The following LRRC37A variants were observed in gnomAD, a reference collection of about 807,000 sequenced individuals.
LRRC37A encodes the protein leucine-rich repeat-containing protein 37A.
Under a neutral mutation model 35.4 loss-of-function variants are expected in LRRC37A, and 3 were observed. That is an observed-to-expected ratio of 0.08 (90% CI 0.04 to 0.22). The LOEUF is 0.22. Among genes scored for constraint, LRRC37A ranks in the 10% least tolerant of loss-of-function variants. The pLI is 1.00. For synonymous variants in LRRC37A, 23 were observed against 215.0 expected (o/e 0.11, Z 7.81); for missense variants, 67 against 565.3 (o/e 0.12, Z 8.94).
the LRRC37A span, chr17:46,275,405 T>C: frequency 1.0e-6 from 1 of 997,356 alleles, no homozygotes; most frequent in Middle Eastern, 2.7e-4. Context: ...GACTGCAGTT[T>C]GTTGTTGTGA....
chr17:46,255,345 T>A, the LRRC37A span, among the ~76,000 whole-genome samples: 1 of 151,678 alleles, frequency 6.6e-6, no homozygotes, highest in African/African-American at 2.4e-5. Context: ...GGCTAAGTGT[T>A]TGCATCCTCC....
chr17:46,270,119 A>G, the LRRC37A span, among the ~76,000 whole-genome samples: 1 of 152,250 alleles, frequency 6.6e-6, no homozygotes, highest in Non-Finnish European at 1.5e-5. Context: ...ATAGATGAAG[A>G]TGACTGCCTA....
chr17:46,258,155 G>C, the LRRC37A span, among the ~76,000 whole-genome samples: 7 of 152,144 alleles, frequency 4.6e-5, no homozygotes, highest in African/African-American at 1.7e-4. Flanking sequence ...GACTAAAAAA[G>C]AGAGAGAACA....
the LRRC37A span, among the ~76,000 whole-genome samples, chr17:46,265,348 TCTTCTC>T: frequency 1.1e-4 from 16 of 148,606 alleles, no homozygotes; most frequent in South Asian, 2.1e-4. Flanking sequence ...TTCTTCTTCT[TCTTCTC>T]CTCCTTCTCC....
At chr17:46,280,780 G>A in the LRRC37A span, among the ~76,000 whole-genome samples, 18,607 of 149,880 alleles carry the variant, frequency 0.12, 2 homozygotes, top group Middle Eastern at 0.19. Context: ...TGCCATGTTG[G>A]CCAGGATGGT....
At chr17:46,323,502 T>G (rs2051513373) in intron 7 of LRRC37A, among the ~76,000 whole-genome samples, 2 of 93,460 alleles carry the variant, frequency 2.1e-5, no homozygotes, top group African/African-American at 6.9e-5. Flanking sequence ...GTTCAAGTGG[T>G]TCTCCTGCCT....
rs1192426869 is a variant in LRRC37A at position 46,314,611 on chromosome 17, C to T, written c.2907-7711C>T. Among the ~76,000 whole-genome samples the T allele has an allele frequency of 5.4e-5, 4 of 74,110 alleles. 2 individuals carry two copies. Among genetic ancestry groups the T allele is most frequent in the Non-Finnish European group, 1.6e-4 (4 of 24,938 alleles). The allele number at this position is 74,110 out of a possible 152,430, so 48.6% of individuals were successfully genotyped here. ...ATGCTGGGATTACAGGCATGAGCTA[C>T]CATGCCCAGCCAATAAATGAAAACT... On this transcript the variant is annotated intron_variant, in intron 5 of 13. Transcript: ENST00000320254.
the LRRC37A span, among the ~76,000 whole-genome samples, chr17:46,255,196 T>G: frequency 1.3e-5 from 2 of 152,082 alleles, no homozygotes; most frequent in Non-Finnish European, 2.9e-5. Flanking sequence ...CTGGAACTCC[T>G]GGGCTCAAGT....
At chr17:46,267,360 C>T in the LRRC37A span, 2 of 1,579,638 alleles carry the variant, frequency 1.3e-6, no homozygotes, top group South Asian at 1.1e-5. Flanking sequence ...ACGTGCTGGG[C>T]GCGGGCATCT....
the LRRC37A span, among the ~76,000 whole-genome samples, chr17:46,261,412 T>C: frequency 6.6e-6 from 1 of 152,080 alleles, no homozygotes. Context: ...AAACTATATT[T>C]GTAATTTTTT....
chr17:46,258,299 C>T, the LRRC37A span, among the ~76,000 whole-genome samples: 18,537 of 147,790 alleles, frequency 0.13, 1,106 homozygotes, highest in Middle Eastern at 0.2. Flanking sequence ...CAACCTCTGC[C>T]TCCTGGGTTC....
At chr17:46,276,686 T>C in the LRRC37A span, among the ~76,000 whole-genome samples, 16 of 152,258 alleles carry the variant, frequency 1.1e-4, no homozygotes, top group African/African-American at 3.9e-4. Flanking sequence ...TGGCTAGTTA[T>C]GTTTCATTCT....
chr17:46,259,019 ATTTTTTTTTTTTTT>A, the LRRC37A span, among the ~76,000 whole-genome samples: 7,149 of 79,622 alleles, frequency 0.09, 931 homozygotes, highest in East Asian at 0.48. Flanking sequence ...CACCCGGCCT[ATTTTTTTTTTTTTT>A]TTTTTTTTTT....
chr17:46,273,274 G>A, the LRRC37A span, among the ~76,000 whole-genome samples: 2 of 152,226 alleles, frequency 1.3e-5, no homozygotes, highest in South Asian at 2.1e-4. Flanking sequence ...AAAAGTAAAA[G>A]GACAAAATAA....
At chr17:46,304,756 G>T (rs2050457660) in intron 3 of LRRC37A, among the ~76,000 whole-genome samples, 1 of 44,812 alleles carries the variant, frequency 2.2e-5, no homozygotes, top group African/African-American at 4.1e-5. Flanking sequence ...TAGGTAAAGG[G>T]GTAGCTTCCT....
upstream of LRRC37A, among the ~76,000 whole-genome samples, chr17:46,292,131 A>C (rs1475517825): frequency 7.3e-6 from 1 of 136,600 alleles, no homozygotes; most frequent in Non-Finnish European, 1.6e-5. Context: ...CAGGAGTTCA[A>C]GACCAGCTTG....
the LRRC37A span, among the ~76,000 whole-genome samples, chr17:46,269,643 A>G: frequency 6.6e-6 from 1 of 152,260 alleles, no homozygotes; most frequent in Admixed American, 6.5e-5. Flanking sequence ...CCAAAGAGTA[A>G]GATATAGTTT....
chr17:46,272,862 G>C, the LRRC37A span, among the ~76,000 whole-genome samples: 1 of 152,136 alleles, frequency 6.6e-6, no homozygotes, highest in Admixed American at 6.5e-5. Context: ...ATATCTTCCT[G>C]GTCTCAGGAT....
At chr17:46,261,799 T>C in the LRRC37A span, among the ~76,000 whole-genome samples, 172 of 152,218 alleles carry the variant, frequency 1.1e-3, 3 homozygotes, top group African/African-American at 3.9e-3. Flanking sequence ...TATTAAGATC[T>C]GATAAAACCG....
Sources: allele counts gnomAD v4.1 joint callset (sites outside exome capture counted in the v4.1 genomes callset), GRCh38; gene constraint gnomAD v4.1.1; transcripts MANE v1.5; gene names NCBI Gene and HGNC (gene_info 2026-07-23, HGNC 2026-07-21).